VDR: variants seen among roughly 807,000 people sequenced by gnomAD.
VDR encodes the protein vitamin D3 receptor.
VDR carries 19 observed loss-of-function variants against 39.7 expected under a neutral mutation model. The ratio of observed to expected loss-of-function variants is 0.48; its 90% CI spans 0.33 to 0.70. The LOEUF is 0.70. Ranked by LOEUF, VDR falls within the 30% of genes least tolerant of loss-of-function variation. The pLI is 0.02. For missense variants in VDR, 442 were observed against 570.5 expected (o/e 0.77, Z 2.29); for synonymous variants, 242 against 215.8 (o/e 1.12, Z -1.07).
chr12:47,861,772 G>T (rs1438352150), intron 4 of VDR, among the ~76,000 whole-genome samples: 3 of 152,202 alleles, frequency 2.0e-5, no homozygotes, highest in African/African-American at 7.2e-5. Flanking sequence ...CTTGCTGAGT[G>T]TGAAATAATT....
intron 7 of VDR, among the ~76,000 whole-genome samples, chr12:47,847,920 G>A (rs1489459324): frequency 6.6e-6 from 1 of 151,590 alleles, no homozygotes; most frequent in Non-Finnish European, 1.5e-5. Flanking sequence ...TTTTTTTTGA[G>A]ACGGAGTCTC....
intron 1 of VDR, chr12:47,901,569 A>C (rs144432835): frequency 4.9e-4 from 76 of 155,470 alleles, no homozygotes; most frequent in African/African-American, 1.7e-3. Context: ...ACCTGATTAT[A>C]GGTGACCTAT....
chr12:47,870,146 T>G (rs1371286839), intron 3 of VDR, among the ~76,000 whole-genome samples: 1 of 152,174 alleles, frequency 6.6e-6, no homozygotes, highest in Non-Finnish European at 1.5e-5. Flanking sequence ...CCAACATGTC[T>G]GTTTGCTGGG....
intron 3 of VDR, among the ~76,000 whole-genome samples, chr12:47,873,351 C>CT (rs71077177): frequency 0.041 from 3,972 of 97,906 alleles, 787 homozygotes; most frequent in African/African-American, 0.13. Context: ...AACCTGTTTT[C>CT]TTTTTTTTTT....
intron 1 of VDR, among the ~76,000 whole-genome samples, chr12:47,889,587 C>T (rs1052593458): frequency 6.6e-6 from 1 of 152,186 alleles, no homozygotes; most frequent in African/African-American, 2.4e-5. Context: ...TTTCTCTACT[C>T]CAGGTGGGTC....
At chr12:47,872,658 C>A (rs997231691) in intron 3 of VDR, among the ~76,000 whole-genome samples, 1 of 152,196 alleles carries the variant, frequency 6.6e-6, no homozygotes, top group Admixed American at 6.5e-5. Context: ...TCTCTCAGAG[C>A]CCCTGGCCCA....
In VDR at chr12:47,844,908, C is replaced by A. The variant is rs368961482; in HGVS notation, c.1122G>T (p.Pro374=). The A allele has an allele frequency of 2.7e-5, 44 of 1,614,100 alleles. No individual in the cohort carries two copies. Among genetic ancestry groups the A allele is most frequent in the Non-Finnish European group, 3.6e-5 (42 of 1,179,994 alleles). The stretch of plus-strand genomic sequence containing the variant: ...TCTTGGCATAGAGCAGGTGGCTGCC[C>A]GGGGGCGGGTGGCGGCAGCGGATGT... ...QTYIRCRHPP[P]GSHLLYAKMI... The change falls in exon 10 of 10, where the codon CCG becomes CCT. Residue 374 remains proline, a synonymous_variant. Coordinates refer to ENST00000549336, the MANE Select transcript of VDR (RefSeq NM_000376.3).
chr12:47,899,305 C>T (rs1163345673), intron 1 of VDR, among the ~76,000 whole-genome samples: 2 of 152,312 alleles, frequency 1.3e-5, no homozygotes, highest in South Asian at 4.1e-4. Flanking sequence ...TGACTAGTAC[C>T]TGGCACACCG....
chr12:47,903,846 C>T lies in VDR; in HGVS notation c.-84+1109G>A, dbSNP rs115942516. On this transcript the variant is annotated intron_variant, in intron 1 of 9. Coordinates refer to ENST00000549336, the MANE Select transcript of VDR (RefSeq NM_000376.3). ...TTATCATAAAGCCACTATCCCTTCA[C>T]GGTCACCTCCTGCTAGAATCATCTC... Among the ~76,000 whole-genome samples the T allele has an allele frequency of 7.2e-4, 110 of 152,288 alleles. 1 individual carries two copies. Among genetic ancestry groups the T allele is most frequent in the Middle Eastern group, 3.4e-3 (1 of 294 alleles).
chr12:47,878,710 C>A (rs955965705), intron 3 of VDR: 2 of 592,288 alleles, frequency 3.4e-6, no homozygotes, highest in East Asian at 7.7e-5. Flanking sequence ...GGGTTACAGG[C>A]GTAATGGAAA....
At chr12:47,862,899 T>C (rs1044862605) in intron 4 of VDR, among the ~76,000 whole-genome samples, 4 of 152,192 alleles carry the variant, frequency 2.6e-5, no homozygotes, top group Non-Finnish European at 5.9e-5. Flanking sequence ...GACGTTTCTA[T>C]TTTAACTGGA....
chr12:47,882,623 G>GCCCCCCCCCCC, intron 2 of VDR, 71 bp downstream of exon 2: 4 of 543,282 alleles, frequency 7.4e-6, no homozygotes, highest in Non-Finnish European at 1.3e-5. Context: ...ACCTTCTTAT[G>GCCCCCCCCCCC]CCCCTCCCCC....
At chr12:47,864,895 AGCT>A (rs1204329085) in intron 4 of VDR, 149 bp downstream of exon 4, 4 of 1,310,728 alleles carry the variant, frequency 3.1e-6, no homozygotes, top group Non-Finnish European at 3.2e-6. Context: ...CCCTGTCACC[AGCT>A]GCTGGTCCCA....
chr12:47,845,224 C>T (rs999863868), intron 9 of VDR, among the ~76,000 whole-genome samples: 22 of 152,026 alleles, frequency 1.4e-4, no homozygotes, highest in African/African-American at 5.1e-4. Context: ...CATGGGCGCA[C>T]CTGGCCCTGT....
chr12:47,892,207 C>G (rs928602464), intron 1 of VDR, among the ~76,000 whole-genome samples: 1 of 152,242 alleles, frequency 6.6e-6, no homozygotes, highest in Non-Finnish European at 1.5e-5. Flanking sequence ...TGGGCTAACT[C>G]TCCACCAGGC....
At chr12:47,880,515 T>G (rs1346095596) in intron 2 of VDR, among the ~76,000 whole-genome samples, 1 of 152,128 alleles carries the variant, frequency 6.6e-6, no homozygotes, top group Non-Finnish European at 1.5e-5. Flanking sequence ...AAACAAATAC[T>G]TTCTAAAAAT....
intron 3 of VDR, among the ~76,000 whole-genome samples, chr12:47,876,652 G>T (rs1946012033): frequency 1.3e-5 from 2 of 152,252 alleles, no homozygotes; most frequent in Non-Finnish European, 2.9e-5. Context: ...CACTCTGTCA[G>T]TCTGTGGTGA....
At chr12:47,852,399 G>A (rs1040039121) in intron 7 of VDR, among the ~76,000 whole-genome samples, 5 of 152,236 alleles carry the variant, frequency 3.3e-5, no homozygotes, top group Admixed American at 1.3e-4. Flanking sequence ...GAAGCGTGGA[G>A]GAGGGAGTTG....
intron 3 of VDR, among the ~76,000 whole-genome samples, chr12:47,865,714 CTTTT>C (rs34900299): frequency 1.9e-5 from 2 of 106,338 alleles, no homozygotes; most frequent in South Asian, 6.7e-4. Context: ...CACTCCGACT[CTTTT>C]TTTTTTTTTT....
Sources: gnomAD v4.1 joint callset for allele counts (sites outside exome capture counted in the v4.1 genomes callset) on GRCh38, gnomAD v4.1.1 for gene constraint, MANE v1.5 for transcripts, NCBI Gene and HGNC (gene_info 2026-07-23, HGNC 2026-07-21) for gene names.